Variants in FAM76B observed in about 807,000 individuals in gnomAD.
FAM76B encodes family with sequence similarity 76 member B, also known as protein FAM76B.
Under a neutral mutation model 51.8 loss-of-function variants are expected in FAM76B, and 16 were observed. That is an observed-to-expected ratio of 0.31 (90% confidence interval 0.21 to 0.47). The LOEUF (loss-of-function observed/expected upper bound fraction) is 0.47, where lower values mean the gene tolerates loss of function less well. FAM76B is among the 20% of genes least tolerant of loss of function. The pLI is 1.00. For missense variants in FAM76B, 342 were observed against 392.6 expected, an observed-to-expected ratio of 0.87 and a Z score of 1.09; for synonymous variants, 166 against 129.5, an observed-to-expected ratio of 1.28 and a Z score of -1.91.
chr11:95,783,230 A>C lies in FAM76B; in HGVS notation c.398T>G (p.Leu133Ter). The change falls in exon 5 of 10, where the codon TTA becomes TGA. Residue 133 changes from leucine to a stop codon, truncating the protein, a stop_gained. Coordinates refer to ENST00000358780, the MANE Select transcript of FAM76B (RefSeq NM_144664.5). LOFTEE classifies it high-confidence loss of function. ...CTTCTGTAAAACTCTTTTGTACGAT[A>C]AAGTACAGAGCCAGCATAATAACTT... ...DGKLLCWLCTLSYKRVLQKTK... is the reference protein window; with the variant it reads ...DGKLLCWLCT 1 of 1,613,510 alleles carries C rather than the reference A, an allele frequency of 6.2e-7. No homozygotes were observed.
At chr11:95,781,783 G>A (rs949549922) in intron 5 of FAM76B, among the ~76,000 whole-genome samples, 1 of 152,132 alleles carries the variant, frequency 6.6e-6, no homozygotes, top group African/African-American at 2.4e-5. Flanking sequence ...AGCCAGAAGA[G>A]AAGACACTGC....
In FAM76B at chr11:95,789,099, T is replaced by C. The variant is rs891133620; in HGVS notation, c.87+293A>G. 1.0e-5 allele frequency: 14 copies of C among 1,401,734 alleles called. No homozygotes were observed. In the African/African-American group the frequency reaches 1.0e-4, roughly 10 times the overall value. 86.8% of individuals were successfully genotyped at this position (1,401,734 alleles called of 1,614,324 possible). On this transcript the variant is annotated intron_variant, in intron 1 of 9. Coordinates refer to ENST00000358780, the MANE Select transcript of FAM76B (RefSeq NM_144664.5). ...TCTCCACCCCTGGGTCTCTGCGGCATAGACAGGTGGCTGCCTCACTCAACC... is the reference window on the plus strand; with the variant it reads ...TCTCCACCCCTGGGTCTCTGCGGCACAGACAGGTGGCTGCCTCACTCAACC...
intron 4 of FAM76B, 69 bp from the exon 5 acceptor site, chr11:95,783,333 A>C: frequency 5.2e-6 from 7 of 1,339,716 alleles, no homozygotes; most frequent in Non-Finnish European, 7.4e-6. Context: ...AGGTAAGATA[A>C]ACCACTCAAC....
chr11:95,783,111 G>C lies in FAM76B; in HGVS notation c.517C>G (p.His173Asp). 1 of 1,613,302 alleles carries C rather than the reference G, an allele frequency of 6.2e-7. No individual in the cohort carries two copies. Among genetic ancestry groups the C allele is most frequent in the Non-Finnish European group, 8.5e-7 (1 of 1,179,330 alleles). ...EKDQHHPKHH[H>D]HHHHHHHRHS... ...CGATGGTGATGGTGATGATGGTGGTGATGATGTTTTGGATGATGCTGGTCT... is the reference window on the plus strand; with the variant it reads ...CGATGGTGATGGTGATGATGGTGGTCATGATGTTTTGGATGATGCTGGTCT... The change falls in exon 5 of 10, where the codon CAC (histidine) becomes GAC (aspartate). Residue 173 changes from histidine to aspartate, a missense_variant. His to Asp is a moderately conservative substitution (Grantham distance 81). Around this residue, in one of 3 missense-constraint regions of FAM76B, gnomAD observed 230 missense variants for 257.4 expected, o/e 0.89. Transcript: ENST00000358780.
At chr11:95,787,885 ACT>A (rs1311154904) in intron 2 of FAM76B, among the ~76,000 whole-genome samples, 2 of 152,226 alleles carry the variant, frequency 1.3e-5, no homozygotes, top group Non-Finnish European at 1.5e-5. Flanking sequence ...ATTGCATATT[ACT>A]TTTTGTAAAC....
intron 1 of FAM76B, 44 bp downstream of exon 1, chr11:95,789,348 C>T (rs966224077): frequency 1.3e-6 from 2 of 1,548,374 alleles, no homozygotes; most frequent in African/African-American, 1.4e-5. Context: ...CCTCCGGCTA[C>T]GGCCGAGGAC....
intron 2 of FAM76B, among the ~76,000 whole-genome samples, chr11:95,788,107 GTAC>G (rs1383835008): frequency 1.3e-5 from 2 of 152,100 alleles, no homozygotes; most frequent in African/African-American, 4.8e-5. Context: ...AAAATGTTAC[GTAC>G]TACTCCTCTT....
chr11:95,788,947 C>G, intron 1 of FAM76B: 1 of 1,342,314 alleles, frequency 7.4e-7, no homozygotes, highest in Non-Finnish European at 9.8e-7. Flanking sequence ...GCTTCGCTTT[C>G]CTGGACAGGG....
At chr11:95,784,614 C>T (rs368435915) in intron 4 of FAM76B, among the ~76,000 whole-genome samples, 26 of 143,012 alleles carry the variant, frequency 1.8e-4, no homozygotes, top group Middle Eastern at 3.9e-3. Context: ...TTTTTTGAGA[C>T]GGAGTCTCTG....
chr11:95,774,659 C>T (rs1194140171), intron 9 of FAM76B, among the ~76,000 whole-genome samples: 4 of 151,038 alleles, frequency 2.6e-5, no homozygotes, highest in African/African-American at 9.7e-5. Context: ...ACAGGAATAA[C>T]ATAAAATTAA....
At chr11:95,783,358 C>T (rs921949227) in intron 4 of FAM76B, 94 bp from the exon 5 acceptor site, 75 of 1,017,576 alleles carry the variant, frequency 7.4e-5, no homozygotes, top group Non-Finnish European at 5.9e-6. Flanking sequence ...ACCTATATTC[C>T]ACACGTAACA....
chr11:95,783,480 G>A (rs1860386802), intron 4 of FAM76B, among the ~76,000 whole-genome samples: 1 of 152,096 alleles, frequency 6.6e-6, no homozygotes, highest in Admixed American at 6.5e-5. Context: ...AAACTGATGA[G>A]GATGACATCA....
At chr11:95,781,267 A>G (rs769811221) in intron 5 of FAM76B, among the ~76,000 whole-genome samples, 1 of 152,124 alleles carries the variant, frequency 6.6e-6, no homozygotes, top group Non-Finnish European at 1.5e-5. Flanking sequence ...GCCACCTGGC[A>G]ACCACATCCC....
chr11:95,770,363 T>G lies in FAM76B; in HGVS notation c.*1198A>C, dbSNP rs1230099501. The G allele has an allele frequency of 6.6e-6, 1 of 151,858 alleles. No homozygotes were observed. Among genetic ancestry groups the G allele is most frequent in the East Asian group, 1.9e-4 (1 of 5,182 alleles). 9.4% of individuals were successfully genotyped at this position (151,858 alleles called of 1,614,324 possible). ...TATTCAAAGATTATCACAGATTGGA[T>G]TAAAAAGATCATTTAATTTTTTTCA... On this transcript the variant is annotated 3_prime_UTR_variant, in exon 10 of 10. Transcript: ENST00000358780.
chr11:95,776,610 A>T (rs1860021896), intron 8 of FAM76B, among the ~76,000 whole-genome samples: 1 of 151,422 alleles, frequency 6.6e-6, no homozygotes, highest in Non-Finnish European at 1.5e-5. Context: ...ATGAGAAAGG[A>T]AAGAAGGTTA....
In FAM76B at chr11:95,769,232, T is replaced by C. The variant is rs1259182717; in HGVS notation, c.*2329A>G. ...AAGCACAATACACCACACCATAGTA[T>C]CTCCTTACAGGTCCACATTTAAAGA... On this transcript the variant is annotated 3_prime_UTR_variant, in exon 10 of 10. Transcript: ENST00000358780. 1 of 152,286 alleles carries C rather than the reference T, an allele frequency of 6.6e-6. No homozygotes were observed. Among genetic ancestry groups the C allele is most frequent in the Non-Finnish European group, 1.5e-5 (1 of 67,856 alleles). 9.4% of individuals were successfully genotyped at this position (152,286 alleles called of 1,614,324 possible). A position where few individuals can be genotyped will look rare whatever the true frequency, so the allele number is the denominator to read the frequency against.
chr11:95,786,331 A>G, intron 3 of FAM76B, 57 bp from the exon 4 acceptor site: 1 of 1,572,920 alleles, frequency 6.4e-7, no homozygotes, highest in Non-Finnish European at 8.6e-7. Context: ...GCGGCATAGC[A>G]TATACCCAGT....
intron 8 of FAM76B, 37 bp from the exon 9 acceptor site, chr11:95,776,060 C>T: frequency 2.0e-6 from 2 of 976,174 alleles, no homozygotes; most frequent in East Asian, 2.7e-5. Flanking sequence ...TATATATTTG[C>T]ACACATACAC....
intron 5 of FAM76B, 118 bp from the exon 6 acceptor site, chr11:95,780,044 G>T (rs114506835): frequency 1.1e-6 from 1 of 906,868 alleles, no homozygotes; most frequent in Non-Finnish European, 1.6e-6. Context: ...TCAGAGAAAG[G>T]TATATTTAAG....
Sources: allele counts gnomAD v4.1 joint callset (sites outside exome capture counted in the v4.1 genomes callset), GRCh38; gene constraint gnomAD v4.1.1; regional missense constraint gnomAD v4.1.1; transcripts MANE v1.5; gene names NCBI Gene and HGNC (gene_info 2026-07-23, HGNC 2026-07-21).